The following THSD4 variants were observed in gnomAD, a reference collection of about 807,000 sequenced individuals.
THSD4 encodes the protein thrombospondin type-1 domain-containing protein 4.
In THSD4, 69 loss-of-function variants were observed where a neutral mutation model predicts 119.0. The ratio of observed to expected loss-of-function variants is 0.58; its 90% confidence interval spans 0.48 to 0.71. The LOEUF is 0.71. Ranked by LOEUF, THSD4 falls within the 30% of genes least tolerant of loss-of-function variation. THSD4 has a pLI of 0.00. For synonymous variants in THSD4, 524 were observed against 540.4 expected (o/e 0.97, Z 0.42); for missense variants, 1,393 against 1,391.1 (o/e 1.00, Z -0.02).
At chr15:71,608,249 T>TACACACACACACAC (rs55892951) in intron 7 of THSD4, among the ~76,000 whole-genome samples, 19 of 106,198 alleles carry the variant, frequency 1.8e-4, no homozygotes, top group African/African-American at 2.2e-4. Flanking sequence ...TATATATATA[T>TACACACACACACAC]ACACACACAC....
chr15:71,394,266 C>CTTTT (rs58372446), intron 6 of THSD4, among the ~76,000 whole-genome samples: 44 of 89,686 alleles, frequency 4.9e-4, no homozygotes, highest in East Asian at 1.9e-3. Context: ...ACACATTTGT[C>CTTTT]TTTTTTTTTT....
intron 7 of THSD4, among the ~76,000 whole-genome samples, chr15:71,651,567 A>G (rs995808212): frequency 1.3e-5 from 2 of 152,042 alleles, no homozygotes; most frequent in African/African-American, 4.8e-5. Context: ...ATATTCCCCA[A>G]TGTTGTAACT....
chr15:71,645,291 A>G (rs2050946433), intron 7 of THSD4, among the ~76,000 whole-genome samples: 1 of 152,180 alleles, frequency 6.6e-6, no homozygotes, highest in Non-Finnish European at 1.5e-5. Flanking sequence ...AGGCCTCAGG[A>G]AACTTACAAT....
intron 8 of THSD4, among the ~76,000 whole-genome samples, chr15:71,719,118 C>T (rs908912273): frequency 6.6e-6 from 1 of 152,174 alleles, no homozygotes; most frequent in African/African-American, 2.4e-5. Flanking sequence ...CAGAATAAAT[C>T]AAACCTTCTA....
At chr15:71,172,635 A>AGGCAAGTAGATAAT (rs2043380954) in intron 3 of THSD4, among the ~76,000 whole-genome samples, 1 of 124,194 alleles carries the variant, frequency 8.1e-6, no homozygotes, top group African/African-American at 2.9e-5. Context: ...GTGTAAAGAT[A>AGGCAAGTAGATAAT]GGCAAATAGA....
At chr15:71,671,451 G>A (rs532686371) in intron 8 of THSD4, among the ~76,000 whole-genome samples, 1 of 152,266 alleles carries the variant, frequency 6.6e-6, no homozygotes, top group South Asian at 2.1e-4. Flanking sequence ...TCACTCTGAT[G>A]GTAGTTTGTT....
chr15:71,112,382 T>C (rs896590382), upstream of THSD4: 29 of 685,666 alleles, frequency 4.2e-5, no homozygotes, highest in African/African-American at 4.0e-4. Flanking sequence ...CTGTCTTACA[T>C]AGACAGAACT....
chr15:71,624,069 C>T (rs1406385339), intron 7 of THSD4, among the ~76,000 whole-genome samples: 3 of 152,098 alleles, frequency 2.0e-5, no homozygotes, highest in African/African-American at 4.8e-5. Flanking sequence ...GGAGAGTGAT[C>T]GAGAACAACA....
At chr15:71,484,339 G>A (rs2047781301) in intron 7 of THSD4, among the ~76,000 whole-genome samples, 1 of 152,190 alleles carries the variant, frequency 6.6e-6, no homozygotes, top group African/African-American at 2.4e-5. Context: ...TCATGAGTAA[G>A]ATCTGAAGAA....
intron 15 of THSD4, among the ~76,000 whole-genome samples, chr15:71,761,344 A>G (rs1456565089): frequency 6.6e-6 from 1 of 152,166 alleles, no homozygotes; most frequent in Non-Finnish European, 1.5e-5. Flanking sequence ...AGAAAATAGA[A>G]GCCTTCCCCT....
intron 6 of THSD4, among the ~76,000 whole-genome samples, chr15:71,332,643 C>T (rs540238104): frequency 4.6e-5 from 7 of 152,134 alleles, no homozygotes; most frequent in African/African-American, 1.4e-4. Flanking sequence ...ATTTTATGGC[C>T]CGATTGCTGT....
At chr15:71,285,853 C>CAAAAAAAAA in intron 6 of THSD4, among the ~76,000 whole-genome samples, 1 of 67,390 alleles carries the variant, frequency 1.5e-5, no homozygotes, top group Non-Finnish European at 2.6e-5. Context: ...GACTCCGTCT[C>CAAAAAAAAA]AAAAAAAAAA....
intron 8 of THSD4, among the ~76,000 whole-genome samples, chr15:71,696,274 AGAG>A (rs2052163764): frequency 6.6e-6 from 1 of 152,232 alleles, no homozygotes; most frequent in Admixed American, 6.5e-5. Flanking sequence ...GGAGAAGATC[AGAG>A]GAGAAGCAGA....
chr15:71,514,756 A>G (rs1407137171), intron 7 of THSD4, among the ~76,000 whole-genome samples: 1 of 152,228 alleles, frequency 6.6e-6, no homozygotes, highest in Non-Finnish European at 1.5e-5. Context: ...TTCAGTAAAT[A>G]AAAACATTTT....
intron 12 of THSD4, 91 bp from the exon 13 acceptor site, chr15:71,746,747 T>C: frequency 7.4e-7 from 1 of 1,356,832 alleles, no homozygotes; most frequent in Non-Finnish European, 1.0e-6. Flanking sequence ...ATAGTGATTC[T>C]GATGATTCTG....
intron 7 of THSD4, among the ~76,000 whole-genome samples, chr15:71,512,843 G>A (rs1889640589): frequency 6.6e-6 from 1 of 152,108 alleles, no homozygotes; most frequent in Non-Finnish European, 1.5e-5. Flanking sequence ...GCTTGTGGTA[G>A]CTCTGTTTTT....
At chr15:71,229,368 G>A (rs1174587377) in intron 4 of THSD4, among the ~76,000 whole-genome samples, 1 of 152,176 alleles carries the variant, frequency 6.6e-6, no homozygotes, top group African/African-American at 2.4e-5. Context: ...AGTGGGGATT[G>A]ATATTGATTC....
intron 7 of THSD4, among the ~76,000 whole-genome samples, chr15:71,595,751 A>G (rs1216636731): frequency 6.6e-6 from 1 of 152,134 alleles, no homozygotes; most frequent in Non-Finnish European, 1.5e-5. Context: ...CCCCAACTCC[A>G]TCACCCCAAG....
chr15:71,130,947 T>G (rs2040498395), intron 1 of THSD4, among the ~76,000 whole-genome samples: 1 of 152,000 alleles, frequency 6.6e-6, no homozygotes, highest in Non-Finnish European at 1.5e-5. Context: ...GGTTTCACCG[T>G]GTTAGCCAGG....
Sources: allele counts gnomAD v4.1 joint callset (sites outside exome capture counted in the v4.1 genomes callset), GRCh38; gene constraint gnomAD v4.1.1; transcripts MANE v1.5; gene names NCBI Gene and HGNC (gene_info 2026-07-23, HGNC 2026-07-21).